Variants in MCTP1 observed in about 807,000 individuals in gnomAD.
MCTP1 encodes multiple C2 and transmembrane domain containing 1.
Under a neutral mutation model 120.6 loss-of-function variants are expected in MCTP1, and 69 were observed. The ratio of observed to expected loss-of-function variants is 0.57; its 90% CI spans 0.47 to 0.70. The LOEUF is 0.70. Among genes scored for constraint, MCTP1 ranks in the 30% least tolerant of loss-of-function variants. The pLI is 0.00. For missense variants in MCTP1, 1,203 were observed against 1,248.8 expected, an observed-to-expected ratio of 0.96 and a Z score of 0.55; for synonymous variants, 529 against 493.1, an observed-to-expected ratio of 1.07 and a Z score of -0.96.
chr5:94,833,705 G>A (rs963109332), intron 17 of MCTP1, among the ~76,000 whole-genome samples: 3 of 151,926 alleles, frequency 2.0e-5, no homozygotes, highest in African/African-American at 4.8e-5. Flanking sequence ...TATTTTTCCC[G>A]TTTCTGTTAA....
At chr5:95,173,582 C>G (rs1209591342) in intron 1 of MCTP1, among the ~76,000 whole-genome samples, 1 of 152,146 alleles carries the variant, frequency 6.6e-6, no homozygotes, top group Non-Finnish European at 1.5e-5. Context: ...CATCCAGTCT[C>G]AATTCTACTT....
chr5:94,848,250 T>C (rs1792923234), intron 17 of MCTP1, among the ~76,000 whole-genome samples: 1 of 152,148 alleles, frequency 6.6e-6, no homozygotes, highest in South Asian at 2.1e-4. Flanking sequence ...TAAAATCAAA[T>C]GTGTAACATT....
intron 1 of MCTP1, among the ~76,000 whole-genome samples, chr5:95,079,110 T>C (rs1217709673): frequency 6.6e-6 from 1 of 152,130 alleles, no homozygotes; most frequent in African/African-American, 2.4e-5. Flanking sequence ...TAAATTAAGA[T>C]GGAATTAAAA....
At chr5:94,728,819 CTTCA>C (rs1459516171) in intron 19 of MCTP1, among the ~76,000 whole-genome samples, 1 of 152,190 alleles carries the variant, frequency 6.6e-6, no homozygotes, top group Non-Finnish European at 1.5e-5. Context: ...TTATCATTCA[CTTCA>C]TTCATGTCAT....
intron 19 of MCTP1, among the ~76,000 whole-genome samples, chr5:94,716,802 A>T (rs547608724): frequency 6.6e-6 from 1 of 152,180 alleles, no homozygotes; most frequent in Non-Finnish European, 1.5e-5. Context: ...ATTTCAAGCA[A>T]ATCCTAATGT....
chr5:94,799,511 T>G (rs1780759466), intron 17 of MCTP1, among the ~76,000 whole-genome samples: 1 of 152,074 alleles, frequency 6.6e-6, no homozygotes, highest in Admixed American at 6.6e-5. Flanking sequence ...TGATAAAAAA[T>G]GAATCACTAT....
intron 1 of MCTP1, among the ~76,000 whole-genome samples, chr5:95,177,339 G>T (rs980540463): frequency 1.3e-5 from 2 of 152,084 alleles, no homozygotes; most frequent in Admixed American, 1.3e-4. Context: ...CAGATAAATT[G>T]TATGATCTCC....
chr5:94,767,266 C>T (rs1292648319), intron 19 of MCTP1, among the ~76,000 whole-genome samples: 2 of 152,124 alleles, frequency 1.3e-5, no homozygotes, highest in Admixed American at 6.5e-5. Flanking sequence ...AGGAACATAT[C>T]TCAACGTAAT....
intron 12 of MCTP1, among the ~76,000 whole-genome samples, chr5:94,888,243 CTGTT>C (rs1801769643): frequency 6.6e-6 from 1 of 152,154 alleles, no homozygotes; most frequent in South Asian, 2.1e-4. Context: ...TGCCATCAGC[CTGTT>C]TGTTAATATG....
chr5:95,093,717 G>C (rs1244078666), intron 1 of MCTP1, among the ~76,000 whole-genome samples: 1 of 152,180 alleles, frequency 6.6e-6, no homozygotes, highest in East Asian at 1.9e-4. Context: ...TCCACATGCT[G>C]TTCTCACAAT....
chr5:94,739,687 C>T (rs772884768), intron 19 of MCTP1, among the ~76,000 whole-genome samples: 3 of 152,144 alleles, frequency 2.0e-5, no homozygotes, highest in African/African-American at 4.8e-5. Flanking sequence ...TTGTTTGAGA[C>T]GGAGTCTTAC....
At chr5:95,275,898 C>A (rs1759788049) in intron 1 of MCTP1, among the ~76,000 whole-genome samples, 1 of 151,944 alleles carries the variant, frequency 6.6e-6, no homozygotes, top group Non-Finnish European at 1.5e-5. Flanking sequence ...AGAAAGCTGG[C>A]AGGACTAAGA....
At chr5:94,857,989 G>C (rs571945091) in intron 17 of MCTP1, among the ~76,000 whole-genome samples, 8 of 151,812 alleles carry the variant, frequency 5.3e-5, no homozygotes, top group Non-Finnish European at 1.2e-4. Context: ...ATACAATGAA[G>C]CTGGGTCACC....
intron 1 of MCTP1, among the ~76,000 whole-genome samples, chr5:95,199,051 GT>G (rs1329935900): frequency 6.6e-6 from 1 of 151,998 alleles, no homozygotes; most frequent in Non-Finnish European, 1.5e-5. Flanking sequence ...TTCTCTTATA[GT>G]TTTTGAACGT....
chr5:95,149,297 C>T (rs1582370974), intron 1 of MCTP1, among the ~76,000 whole-genome samples: 1 of 152,214 alleles, frequency 6.6e-6, no homozygotes, highest in South Asian at 2.1e-4. Context: ...CCAATGAACT[C>T]GGGTGTCTCA....
chr5:94,812,677 C>T (rs1042000820), intron 17 of MCTP1, among the ~76,000 whole-genome samples: 8 of 151,582 alleles, frequency 5.3e-5, no homozygotes, highest in East Asian at 3.9e-4. Flanking sequence ...GGTAGGTGAT[C>T]GCTTAGCCCA....
At chr5:95,160,609 T>C (rs1256111414) in intron 1 of MCTP1, among the ~76,000 whole-genome samples, 1 of 152,144 alleles carries the variant, frequency 6.6e-6, no homozygotes, top group Non-Finnish European at 1.5e-5. Context: ...ACAAATGGGA[T>C]TGCATTAAAC....
chr5:94,721,565 A>T (rs955448379), intron 19 of MCTP1, among the ~76,000 whole-genome samples: 1 of 152,158 alleles, frequency 6.6e-6, no homozygotes, highest in African/African-American at 2.4e-5. Context: ...TTCCTTTTAA[A>T]ATCTGTCATC....
At chr5:94,861,307 A>G (rs2153232956) in intron 17 of MCTP1, among the ~76,000 whole-genome samples, 1 of 151,886 alleles carries the variant, frequency 6.6e-6, no homozygotes, top group East Asian at 1.9e-4. Context: ...TTAACATTTC[A>G]GGTTAGCTTC....
Sources: gnomAD v4.1 joint callset for allele counts (sites outside exome capture counted in the v4.1 genomes callset) on GRCh38, gnomAD v4.1.1 for gene constraint, MANE v1.5 for transcripts, NCBI Gene and HGNC (gene_info 2026-07-23, HGNC 2026-07-21) for gene names.